The following CIMIP5 variants were observed in gnomAD, a reference collection of about 807,000 sequenced individuals.
CIMIP5 encodes the protein uncharacterized protein C2orf50.
the CIMIP5 span, chr2:11,133,514 A>C: frequency 6.2e-7 from 1 of 1,608,514 alleles, no homozygotes; most frequent in Non-Finnish European, 8.5e-7. Flanking sequence ...TGGCTCAGGG[A>C]GCTGCCTGCG....
chr2:11,140,571 C>A, the CIMIP5 span: 2 of 1,534,788 alleles, frequency 1.3e-6, no homozygotes, highest in East Asian at 2.3e-5. Context: ...TATGTTCCTG[C>A]CAAACATACT....
the CIMIP5 span, among the ~76,000 whole-genome samples, chr2:11,136,320 A>G: frequency 9.2e-5 from 14 of 152,248 alleles, no homozygotes; most frequent in Non-Finnish European, 2.1e-4. Flanking sequence ...AAAGACAACA[A>G]TTAACAGAGT....
the CIMIP5 span, among the ~76,000 whole-genome samples, chr2:11,152,972 G>T: frequency 6.6e-6 from 1 of 152,188 alleles, no homozygotes; most frequent in Non-Finnish European, 1.5e-5. Flanking sequence ...GACCATATAC[G>T]TTGAGCACCT....
At chr2:11,137,513 G>A in the CIMIP5 span, among the ~76,000 whole-genome samples, 1,383 of 152,248 alleles carry the variant, frequency 9.1e-3, 24 homozygotes, top group African/African-American at 0.031. Context: ...CACAAATGAC[G>A]AATTAAAAAC....
At chr2:11,142,393 C>T in the CIMIP5 span, among the ~76,000 whole-genome samples, 14 of 152,192 alleles carry the variant, frequency 9.2e-5, no homozygotes, top group South Asian at 2.9e-3. Context: ...TTAATGCCTG[C>T]ATTGTGGACC....
the CIMIP5 span, among the ~76,000 whole-genome samples, chr2:11,137,619 A>G: frequency 6.6e-6 from 1 of 152,202 alleles, no homozygotes; most frequent in African/African-American, 2.4e-5. Context: ...AGTAAGTGAG[A>G]ATTTTCCAGA....
the CIMIP5 span, among the ~76,000 whole-genome samples, chr2:11,147,684 G>T: frequency 6.6e-6 from 1 of 152,206 alleles, no homozygotes; most frequent in Non-Finnish European, 1.5e-5. Flanking sequence ...CAGGCACACT[G>T]ATGGCTTCTG....
At chr2:11,149,777 G>C in the CIMIP5 span, among the ~76,000 whole-genome samples, 5 of 151,622 alleles carry the variant, frequency 3.3e-5, no homozygotes, top group Non-Finnish European at 7.4e-5. Context: ...GACAAAGAAA[G>C]GCTGAAGAAG....
the CIMIP5 span, among the ~76,000 whole-genome samples, chr2:11,154,406 C>T: frequency 6.6e-6 from 1 of 152,100 alleles, no homozygotes; most frequent in Non-Finnish European, 1.5e-5. Flanking sequence ...GAAAGAGCCT[C>T]GGCCAGAATT....
At chr2:11,142,023 T>C in the CIMIP5 span, among the ~76,000 whole-genome samples, 18 of 151,726 alleles carry the variant, frequency 1.2e-4, no homozygotes, top group African/African-American at 4.4e-4. Context: ...CTCAACACTT[T>C]GGGAGGCCGA....
At chr2:11,147,981 C>T in the CIMIP5 span, among the ~76,000 whole-genome samples, 1 of 151,986 alleles carries the variant, frequency 6.6e-6, no homozygotes, top group African/African-American at 2.4e-5. Flanking sequence ...AGGGTCAGTG[C>T]CAGCAAAAGG....
the CIMIP5 span, among the ~76,000 whole-genome samples, chr2:11,151,663 G>A: frequency 1.3e-5 from 2 of 152,218 alleles, no homozygotes; most frequent in Non-Finnish European, 2.9e-5. Flanking sequence ...ACGGAGTCTC[G>A]CTCTGTCACC....
the CIMIP5 span, among the ~76,000 whole-genome samples, chr2:11,149,247 C>G: frequency 3.5e-3 from 535 of 151,680 alleles, 2 homozygotes; most frequent in Non-Finnish European, 6.0e-3. Context: ...GGACAGCTGA[C>G]ACCGTGCTCC....
At chr2:11,136,595 A>G in the CIMIP5 span, among the ~76,000 whole-genome samples, 19 of 152,290 alleles carry the variant, frequency 1.2e-4, 1 homozygote, top group Admixed American at 1.2e-3. Flanking sequence ...CTGACTGCAA[A>G]TGGACACAGG....
the CIMIP5 span, among the ~76,000 whole-genome samples, chr2:11,138,945 T>C: frequency 6.6e-6 from 1 of 151,916 alleles, no homozygotes; most frequent in African/African-American, 2.4e-5. Context: ...TGAGACAGAG[T>C]CTCACTCTGT....
the CIMIP5 span, among the ~76,000 whole-genome samples, chr2:11,141,907 A>G: frequency 6.6e-6 from 1 of 152,204 alleles, no homozygotes; most frequent in Non-Finnish European, 1.5e-5. Context: ...CCCAGAGACC[A>G]TAAAAGAGTG....
the CIMIP5 span, chr2:11,144,211 T>G: frequency 9.4e-7 from 1 of 1,069,114 alleles, no homozygotes; most frequent in Non-Finnish European, 1.3e-6. Flanking sequence ...CAAGGCAGCT[T>G]GGGTCTGCAC....
the CIMIP5 span, chr2:11,143,897 C>T: frequency 6.5e-7 from 1 of 1,538,598 alleles, no homozygotes; most frequent in South Asian, 1.3e-5. Flanking sequence ...CTCTGTGTGA[C>T]CCGAGCTGTC....
the CIMIP5 span, chr2:11,146,731 C>T: frequency 1.3e-5 from 2 of 152,240 alleles, no homozygotes; most frequent in African/African-American, 4.8e-5. Flanking sequence ...GCTGGGCTCC[C>T]TCTCCACTCT....
Sources: allele counts gnomAD v4.1 joint callset (sites outside exome capture counted in the v4.1 genomes callset), GRCh38; gene constraint gnomAD v4.1.1; transcripts MANE v1.5; gene names NCBI Gene and HGNC (gene_info 2026-07-23, HGNC 2026-07-21).